The following ZNF532 variants were observed in gnomAD, a reference collection of about 807,000 sequenced individuals.
ZNF532 encodes zinc finger protein 532.
A neutral mutation model predicts 89.3 loss-of-function variants in ZNF532; 22 were observed. The observed-to-expected ratio is 0.25, with a 90% CI of 0.18 to 0.35. The LOEUF is 0.35. Ranked by LOEUF, ZNF532 falls within the 10% of genes least tolerant of loss-of-function variation. ZNF532 has a pLI of 1.00. For synonymous variants in ZNF532, 606 were observed against 649.6 expected, an observed-to-expected ratio of 0.93 and a Z score of 1.02; for missense variants, 1,132 against 1,643.4, an observed-to-expected ratio of 0.69 and a Z score of 5.38.
chr18:58,934,335 T>A, intron 3 of ZNF532, 98 bp from the exon 4 acceptor site: 1 of 1,124,880 alleles, frequency 8.9e-7, no homozygotes, highest in African/African-American at 1.5e-5. Flanking sequence ...GTGTTTGAAA[T>A]GAAGGATGTA....
chr18:58,934,928 T>C (rs750901435), intron 4 of ZNF532, among the ~76,000 whole-genome samples: 52 of 152,170 alleles, frequency 3.4e-4, no homozygotes, highest in Non-Finnish European at 6.0e-4. Flanking sequence ...TCATACTCTT[T>C]GCATTTTAAC....
intron 2 of ZNF532, among the ~76,000 whole-genome samples, chr18:58,894,029 A>G (rs1040978761): frequency 3.3e-5 from 5 of 152,126 alleles, no homozygotes; most frequent in Non-Finnish European, 7.4e-5. Flanking sequence ...GAAGGAAGAG[A>G]TGTGTCTGGC....
chr18:58,921,904 G>A (rs1191596658), intron 3 of ZNF532, among the ~76,000 whole-genome samples: 2 of 152,054 alleles, frequency 1.3e-5, no homozygotes, highest in African/African-American at 2.4e-5. Flanking sequence ...TCAGGAGTTC[G>A]AGACCAGCCT....
Position 58,976,997 on chromosome 18 carries a change from G to A in ZNF532, c.3151-2058G>A, listed in dbSNP as rs373374896. ...ATCCAAGAGGTTAGGGATTGCTGCT[G>A]GCCTATTTTGTGTAATCAAATCTTT... On this transcript the variant is annotated intron_variant, in intron 7 of 9. Coordinates refer to ENST00000591808, the MANE Select transcript of ZNF532 (RefSeq NM_001375912.1). Among the ~76,000 whole-genome samples the A allele has an allele frequency of 5.3e-5, 8 of 152,268 alleles. No homozygotes were observed. In the East Asian group the frequency reaches 1.4e-3, roughly 26 times the overall value.
At chr18:58,932,108 C>A (rs2062014777) in intron 3 of ZNF532, among the ~76,000 whole-genome samples, 1 of 152,166 alleles carries the variant, frequency 6.6e-6, no homozygotes, top group Non-Finnish European at 1.5e-5. Context: ...TCCCCAGTGA[C>A]CATTTTCTCC....
intron 2 of ZNF532, among the ~76,000 whole-genome samples, chr18:58,880,647 G>A (rs1282959874): frequency 6.6e-6 from 1 of 152,326 alleles, no homozygotes; most frequent in South Asian, 2.1e-4. Flanking sequence ...GTTGGACTGA[G>A]ACACTGAAGG....
intron 9 of ZNF532, among the ~76,000 whole-genome samples, chr18:58,981,829 C>A (rs2067810378): frequency 6.6e-6 from 1 of 151,864 alleles, no homozygotes; most frequent in Admixed American, 6.6e-5. Flanking sequence ...ATGGTGTAAC[C>A]TCATCTCTAC....
chr18:58,916,704 G>C lies in ZNF532; in HGVS notation c.-17-1567G>C, dbSNP rs1350562186. 3.0e-6 allele frequency: 3 copies of C among 985,290 alleles called. No homozygotes were observed. The African/African-American group carries it at 5.2e-5, about 17-fold the overall frequency. 61.0% of individuals were successfully genotyped at this position (985,290 alleles called of 1,614,324 possible). A position where few individuals can be genotyped will look rare whatever the true frequency, so the allele number is the denominator to read the frequency against. On this transcript the variant is annotated intron_variant, in intron 2 of 9. Transcript: ENST00000591808. ...TAGTTTTTTCTAACCAAATTCTTCAGTGTGTTTGGATGTGTCCCCAGAGTG... is the reference window on the plus strand; with the variant it reads ...TAGTTTTTTCTAACCAAATTCTTCACTGTGTTTGGATGTGTCCCCAGAGTG...
chr18:58,926,586 G>A (rs372839336), intron 3 of ZNF532, among the ~76,000 whole-genome samples: 6 of 152,206 alleles, frequency 3.9e-5, no homozygotes, highest in African/African-American at 1.4e-4. Flanking sequence ...GAGCTCAGGT[G>A]ATCCGCCTGC....
intron 5 of ZNF532, among the ~76,000 whole-genome samples, chr18:58,941,468 C>CTTTTTTTTTTTTTTTTT (rs71302776): frequency 8.7e-6 from 1 of 114,910 alleles, no homozygotes; most frequent in African/African-American, 3.3e-5. Context: ...CTCTCTCTCT[C>CTTTTTTTTTTTTTTTTT]TTTTTTTTTT....
intron 5 of ZNF532, among the ~76,000 whole-genome samples, chr18:58,942,237 T>C (rs2063183580): frequency 6.6e-6 from 1 of 151,030 alleles, no homozygotes; most frequent in Admixed American, 6.6e-5. Context: ...TTAGCCAGGA[T>C]GGTCTCGAAC....
chr18:58,945,044 G>C (rs2063532568), intron 5 of ZNF532, among the ~76,000 whole-genome samples: 1 of 152,200 alleles, frequency 6.6e-6, no homozygotes, highest in Admixed American at 6.5e-5. Context: ...ACTTCATCCA[G>C]ATTCCTCCCA....
chr18:58,947,523 T>C (rs762450327), intron 5 of ZNF532, among the ~76,000 whole-genome samples: 1 of 152,236 alleles, frequency 6.6e-6, no homozygotes, highest in Non-Finnish European at 1.5e-5. Flanking sequence ...TGTTTCTTGA[T>C]TTTACTGTAT....
At chr18:58,948,807 T>C (rs1174964073) in intron 6 of ZNF532, among the ~76,000 whole-genome samples, 1 of 152,130 alleles carries the variant, frequency 6.6e-6, no homozygotes, top group African/African-American at 2.4e-5. Context: ...TCCGCCTGCC[T>C]TGTCCTCCCA....
chr18:58,895,999 A>C (rs1219196084), intron 2 of ZNF532, among the ~76,000 whole-genome samples: 4 of 151,894 alleles, frequency 2.6e-5, no homozygotes, highest in Admixed American at 2.6e-4. Flanking sequence ...CCACAGGTAC[A>C]TGCCACCACA....
intron 2 of ZNF532, among the ~76,000 whole-genome samples, chr18:58,915,396 TC>T (rs1015680676): frequency 6.6e-6 from 1 of 152,042 alleles, no homozygotes; most frequent in African/African-American, 2.4e-5. Context: ...CTCCCCCACG[TC>T]CCCCATGAGA....
chr18:58,974,436 G>C (rs570667645), intron 7 of ZNF532, among the ~76,000 whole-genome samples: 29 of 152,254 alleles, frequency 1.9e-4, no homozygotes, highest in Non-Finnish European at 3.5e-4. Flanking sequence ...CATGTATTTA[G>C]CCAGTTCTCC....
chr18:58,958,447 T>C (rs1314865910), intron 7 of ZNF532, among the ~76,000 whole-genome samples: 1 of 152,254 alleles, frequency 6.6e-6, no homozygotes, highest in Non-Finnish European at 1.5e-5. Context: ...CAAATGCTTA[T>C]GTATTATCTA....
intron 2 of ZNF532, among the ~76,000 whole-genome samples, chr18:58,898,367 A>G (rs1191095301): frequency 6.6e-6 from 1 of 152,242 alleles, no homozygotes; most frequent in African/African-American, 2.4e-5. Context: ...GGCCTGGGGC[A>G]AGAGTACTAA....
Sources: gnomAD v4.1 joint callset for allele counts (sites outside exome capture counted in the v4.1 genomes callset) on GRCh38, gnomAD v4.1.1 for gene constraint, MANE v1.5 for transcripts, NCBI Gene and HGNC (gene_info 2026-07-23, HGNC 2026-07-21) for gene names.